The following FER1L6 variants were observed in gnomAD, a reference collection of about 807,000 sequenced individuals.
FER1L6 encodes fer-1 like family member 6.
FER1L6 carries 177 observed loss-of-function variants against 219.2 expected under a neutral mutation model. The observed-to-expected ratio is 0.81, with a 90% CI of 0.71 to 0.91. The LOEUF (loss-of-function observed/expected upper bound fraction) is 0.91. FER1L6 is among the 40% of genes least tolerant of loss of function. The pLI, the probability that FER1L6 is intolerant of heterozygous loss-of-function variation, is 0.00. For synonymous variants in FER1L6, 768 were observed against 824.3 expected (o/e 0.93, Z 1.17); for missense variants, 2,153 against 2,259.9 (o/e 0.95, Z 0.96).
At chr8:123,862,322 A>G (rs1816760262) in intron 1 of FER1L6, among the ~76,000 whole-genome samples, 1 of 116,724 alleles carries the variant, frequency 8.6e-6, no homozygotes. Context: ...CATCCCAGGG[A>G]TGAAGCCCAC....
intron 1 of FER1L6, among the ~76,000 whole-genome samples, chr8:123,917,056 G>T (rs1813211669): frequency 6.6e-6 from 1 of 152,142 alleles, no homozygotes; most frequent in East Asian, 1.9e-4. Flanking sequence ...CCAACCCACT[G>T]ATTTTTATCA....
At chr8:123,859,590 G>A (rs1586424242) in intron 1 of FER1L6, among the ~76,000 whole-genome samples, 1 of 133,680 alleles carries the variant, frequency 7.5e-6, no homozygotes, top group South Asian at 2.4e-4. Context: ...TAGGGTACAT[G>A]TGCACAATGT....
intron 33 of FER1L6, among the ~76,000 whole-genome samples, chr8:124,082,848 C>T (rs13261229): frequency 0.86 from 131,313 of 152,146 alleles, 56,860 homozygotes; most frequent in Non-Finnish European, 0.89. Flanking sequence ...TAACAAAGCA[C>T]TTTACATGGA....
intron 15 of FER1L6, 165 bp downstream of exon 15, chr8:124,013,696 T>C (rs1204693575): frequency 2.2e-6 from 1 of 449,514 alleles, no homozygotes; most frequent in Non-Finnish European, 4.0e-6. Flanking sequence ...GTGGACTAAC[T>C]ATTGCTTCTT....
chr8:123,954,503 T>C (rs1334325772), intron 1 of FER1L6, among the ~76,000 whole-genome samples: 1 of 152,228 alleles, frequency 6.6e-6, no homozygotes, highest in African/African-American at 2.4e-5. Context: ...ATGAGTTGAG[T>C]GAACATCTAT....
chr8:124,035,429 C>G lies in FER1L6; in HGVS notation c.2439C>G (p.His813Gln). The G allele has an allele frequency of 6.2e-7, 1 of 1,613,032 alleles. No individual in the cohort carries two copies. Among genetic ancestry groups the G allele is most frequent in the Admixed American group, 1.7e-5 (1 of 59,956 alleles). The change falls in exon 19 of 41, where the codon CAC becomes CAG. Residue 813 changes from histidine (H) to glutamine (Q), a missense_variant. Coordinates refer to ENST00000522917, the MANE Select transcript of FER1L6 (RefSeq NM_001039112.2). ...EMSSKGAGTN[H>Q]PPSNLLYQEQ... The stretch of plus-strand genomic sequence containing the variant: ...CCTCCAAAGGGGCTGGCACCAATCA[C>G]CCCCCATCTAACCTGCTCTACCAAG...
chr8:123,934,301 TG>T (rs1247800601), intron 1 of FER1L6, among the ~76,000 whole-genome samples: 1 of 152,198 alleles, frequency 6.6e-6, no homozygotes, highest in African/African-American at 2.4e-5. Flanking sequence ...GTGTCCTTTA[TG>T]GGTAAGGGAA....
intron 30 of FER1L6, 84 bp downstream of exon 30, chr8:124,070,682 G>A (rs1192454737): frequency 3.3e-6 from 4 of 1,220,982 alleles, no homozygotes; most frequent in Non-Finnish European, 4.5e-6. Context: ...TGGAATTGTG[G>A]TGTGGGATGT....
At chr8:124,033,172 A>G (rs1819046554) in intron 18 of FER1L6, among the ~76,000 whole-genome samples, 1 of 152,210 alleles carries the variant, frequency 6.6e-6, no homozygotes, top group South Asian at 2.1e-4. Flanking sequence ...TATTCACTCA[A>G]CCTATATTTA....
At chr8:123,857,349 A>T (rs550836722) in intron 1 of FER1L6, among the ~76,000 whole-genome samples, 23 of 152,178 alleles carry the variant, frequency 1.5e-4, no homozygotes, top group Non-Finnish European at 2.5e-4. Context: ...CTACAAAAAA[A>T]TTTTTTAAAA....
At chr8:124,033,093 A>C (rs1196430542) in intron 18 of FER1L6, among the ~76,000 whole-genome samples, 2 of 152,230 alleles carry the variant, frequency 1.3e-5, no homozygotes, top group Non-Finnish European at 2.9e-5. Flanking sequence ...ACATTAGACC[A>C]GGGCCTAGAA....
intron 1 of FER1L6, among the ~76,000 whole-genome samples, chr8:123,903,861 T>A (rs1393556997): frequency 6.6e-6 from 1 of 152,210 alleles, no homozygotes; most frequent in Non-Finnish European, 1.5e-5. Flanking sequence ...CTGGGCACTG[T>A]TGGGAAATGA....
intron 1 of FER1L6, among the ~76,000 whole-genome samples, chr8:123,950,853 A>T (rs1169549574): frequency 6.6e-6 from 1 of 152,124 alleles, no homozygotes; most frequent in African/African-American, 2.4e-5. Flanking sequence ...TGCTTGAGAC[A>T]TTTTTGATCC....
At chr8:123,962,550 A>C (rs1815337185) in intron 2 of FER1L6, among the ~76,000 whole-genome samples, 1 of 152,186 alleles carries the variant, frequency 6.6e-6, no homozygotes, top group South Asian at 2.1e-4. Context: ...TGTCTAAACC[A>C]CAAAAAGGAA....
chr8:124,117,490 G>T (rs920450130), intron 39 of FER1L6, among the ~76,000 whole-genome samples: 1 of 152,164 alleles, frequency 6.6e-6, no homozygotes, highest in African/African-American at 2.4e-5. Flanking sequence ...ATTTCTCAAT[G>T]GGAATGAAAG....
intron 1 of FER1L6, among the ~76,000 whole-genome samples, chr8:123,933,078 G>C (rs776719276): frequency 6.6e-6 from 1 of 152,180 alleles, no homozygotes; most frequent in Non-Finnish European, 1.5e-5. Context: ...TGGTGTGTCC[G>C]AGGGTTTCTT....
chr8:124,112,229 T>A (rs1433021016), intron 39 of FER1L6, among the ~76,000 whole-genome samples: 1 of 152,188 alleles, frequency 6.6e-6, no homozygotes, highest in South Asian at 2.1e-4. Flanking sequence ...CTGGTTTTAG[T>A]TGCTGGCAGG....
chr8:124,032,742 G>A (rs1819027347), intron 18 of FER1L6, among the ~76,000 whole-genome samples: 1 of 151,068 alleles, frequency 6.6e-6, no homozygotes, highest in South Asian at 2.1e-4. Context: ...TTCTATGGGG[G>A]CAGGGTGGGA....
chr8:123,889,393 T>C (rs1812599390), intron 1 of FER1L6, among the ~76,000 whole-genome samples: 1 of 152,162 alleles, frequency 6.6e-6, no homozygotes, highest in South Asian at 2.1e-4. Context: ...TGCTGCTCAT[T>C]AGATGCCTGA....
Sources: gnomAD v4.1 joint callset for allele counts (sites outside exome capture counted in the v4.1 genomes callset) on GRCh38, gnomAD v4.1.1 for gene constraint, MANE v1.5 for transcripts, NCBI Gene and HGNC (gene_info 2026-07-23, HGNC 2026-07-21) for gene names.